BDP1: variants seen among roughly 807,000 people sequenced by gnomAD.
The protein encoded by BDP1 is transcription factor TFIIIB component B'' homolog.
A neutral mutation model predicts 266.6 loss-of-function variants in BDP1; 169 were observed. The observed-to-expected ratio is 0.63, with a 90% CI of 0.56 to 0.72. The LOEUF (loss-of-function observed/expected upper bound fraction) is 0.72, where lower values mean the gene tolerates loss of function less well. Among genes scored for constraint, BDP1 ranks in the 30% least tolerant of loss-of-function variants. BDP1 has a pLI of 0.00. For missense variants in BDP1, 3,015 were observed against 3,053.8 expected, an observed-to-expected ratio of 0.99 and a Z score of 0.30; for synonymous variants, 1,090 against 1,022.4, an observed-to-expected ratio of 1.07 and a Z score of -1.26.
chr5:71,550,133 C>T (rs1742642025), intron 34 of BDP1, among the ~76,000 whole-genome samples: 1 of 152,190 alleles, frequency 6.6e-6, no homozygotes, highest in Non-Finnish European at 1.5e-5. Context: ...CGCCTTTAAT[C>T]CCAGGGCTTT....
At chr5:71,551,973 C>A (rs1439346008) in intron 34 of BDP1, among the ~76,000 whole-genome samples, 1 of 150,036 alleles carries the variant, frequency 6.7e-6, no homozygotes, top group African/African-American at 2.4e-5. Flanking sequence ...ACCTCCCTCC[C>A]GGACGGGGCG....
intron 15 of BDP1, among the ~76,000 whole-genome samples, chr5:71,504,281 A>T (rs945120204): frequency 6.6e-6 from 1 of 151,730 alleles, no homozygotes; most frequent in African/African-American, 2.4e-5. Context: ...TCAAAAAAAA[A>T]AAAAAAGAAA....
intron 13 of BDP1, among the ~76,000 whole-genome samples, chr5:71,500,484 C>T (rs1473139559): frequency 6.6e-6 from 1 of 151,734 alleles, no homozygotes; most frequent in Non-Finnish European, 1.5e-5. Flanking sequence ...CGCCACCATG[C>T]CCGGCTAATT....
chr5:71,521,127 C>T (rs916615882), intron 22 of BDP1, among the ~76,000 whole-genome samples: 10 of 146,998 alleles, frequency 6.8e-5, no homozygotes, highest in African/African-American at 2.5e-4. Flanking sequence ...GCGGAGGTTA[C>T]AGTGAGCCGA....
chr5:71,550,362 G>T (rs1300342086), intron 34 of BDP1, among the ~76,000 whole-genome samples: 2 of 152,054 alleles, frequency 1.3e-5, no homozygotes, highest in African/African-American at 4.8e-5. Context: ...CTCTAGCCTG[G>T]GTGATAGAGT....
intron 38 of BDP1, among the ~76,000 whole-genome samples, chr5:71,564,059 T>G (rs1743865321): frequency 6.6e-6 from 1 of 152,216 alleles, no homozygotes; most frequent in Non-Finnish European, 1.5e-5. Context: ...GGTATTGGTC[T>G]GACTTTTTTC....
chr5:71,557,508 C>T (rs1743311230), intron 36 of BDP1, among the ~76,000 whole-genome samples: 1 of 151,746 alleles, frequency 6.6e-6, no homozygotes, highest in South Asian at 2.1e-4. Context: ...CCTCAGCCTC[C>T]CTAGTAGCTG....
Position 71,490,981 on chromosome 5 carries a change from T to C in BDP1, c.1493-3T>C, listed in dbSNP as rs747019297. 3 of 1,589,898 alleles carry C rather than the reference T, an allele frequency of 1.9e-6. No individual in the cohort carries two copies. The highest frequency in any genetic ancestry group is 2.3e-5 in the South Asian group (2 of 85,996). ...TAGAATAACATGCATTTTGTATTTG[T>C]AGATAAATGTCAGGCTATAAGGCCT... On this transcript the variant is annotated splice_polypyrimidine_tract_variant and splice_region_variant and intron_variant, in intron 10 of 38. Transcript: ENST00000358731.
Position 71,470,495 on chromosome 5 carries a change from G to A in BDP1, c.1014+6G>A. 1 of 1,573,758 alleles carries A rather than the reference G, an allele frequency of 6.4e-7. No individual in the cohort carries two copies. Among genetic ancestry groups the A allele is most frequent in the Non-Finnish European group, 8.7e-7 (1 of 1,147,380 alleles). On this transcript the variant is annotated splice_donor_region_variant and intron_variant, in intron 7 of 38. Coordinates refer to ENST00000358731, the MANE Select transcript of BDP1 (RefSeq NM_018429.3). The stretch of plus-strand genomic sequence containing the variant: ...GAGCAAGGATAGAAATTAAGGTAAA[G>A]TAAACCCATCACATTTGTTGATTGG...
intron 26 of BDP1, among the ~76,000 whole-genome samples, chr5:71,533,597 C>G (rs777412674): frequency 6.6e-6 from 1 of 151,778 alleles, no homozygotes; most frequent in Non-Finnish European, 1.5e-5. Context: ...TCCCAAGTAG[C>G]TGGGACTGCA....
Position 71,512,057 on chromosome 5 carries a change from T to G in BDP1, c.4060-184T>G, listed in dbSNP as rs188845750. Among the ~76,000 whole-genome samples the G allele has an allele frequency of 4.6e-3, 702 of 152,200 alleles. 19 individuals are homozygous for G. Among genetic ancestry groups the G allele is most frequent in the Non-Finnish European group, 2.7e-3 (183 of 68,004 alleles). On this transcript the variant is annotated intron_variant, in intron 17 of 38. Coordinates refer to ENST00000358731, the MANE Select transcript of BDP1 (RefSeq NM_018429.3). ...TTTGTGGTTTGGGAAAGTAATAATA[T>G]GCAACATAAAAGGGTTTCCTGAATT...
downstream of BDP1, among the ~76,000 whole-genome samples, chr5:71,571,966 G>C (rs574406504): frequency 1.4e-4 from 21 of 152,166 alleles, no homozygotes; most frequent in East Asian, 1.2e-3. Context: ...CATGATCAAA[G>C]AGCAAACTGT....
Position 71,470,492 on chromosome 5 carries a change from A to G in BDP1, c.1014+3A>G, listed in dbSNP as rs945461484. 6.3e-7 allele frequency: 1 copy of G among 1,582,760 alleles called. No homozygotes were observed. The highest frequency in any genetic ancestry group is 8.7e-7 in the Non-Finnish European group (1 of 1,154,644). ...ACAGAGCAAGGATAGAAATTAAGGT[A>G]AAGTAAACCCATCACATTTGTTGAT... On this transcript the variant is annotated splice_donor_region_variant and intron_variant, in intron 7 of 38. Transcript: ENST00000358731.
intron 12 of BDP1, 134 bp from the exon 13 acceptor site, chr5:71,497,132 CTCTT>C: frequency 1.6e-6 from 1 of 644,076 alleles, no homozygotes. Context: ...ACAAGTTAGT[CTCTT>C]TAAGTTTTCT....
chr5:71,543,775 T>C (rs1419339899), intron 30 of BDP1, among the ~76,000 whole-genome samples: 2 of 152,238 alleles, frequency 1.3e-5, no homozygotes, highest in African/African-American at 2.4e-5. Flanking sequence ...TACAATGTTA[T>C]GACTCTCTCT....
At chr5:71,479,776 G>C (rs929487420) in intron 7 of BDP1, among the ~76,000 whole-genome samples, 3 of 152,038 alleles carry the variant, frequency 2.0e-5, no homozygotes, top group Non-Finnish European at 4.4e-5. Flanking sequence ...TCGATCTCCT[G>C]ACCTCGTGAT....
intron 26 of BDP1, among the ~76,000 whole-genome samples, chr5:71,535,495 G>T (rs954020574): frequency 1.3e-5 from 2 of 152,128 alleles, no homozygotes; most frequent in Admixed American, 6.5e-5. Context: ...GTGAGCCACC[G>T]TGCCCGGCCT....
the BDP1 span, among the ~76,000 whole-genome samples, chr5:71,575,173 T>C: frequency 6.6e-6 from 1 of 152,200 alleles, no homozygotes; most frequent in Non-Finnish European, 1.5e-5. Context: ...TAACCCAGGA[T>C]TTAAAATGTT....
At chr5:71,504,072 A>G (rs1290306423) in intron 15 of BDP1, among the ~76,000 whole-genome samples, 3 of 150,788 alleles carry the variant, frequency 2.0e-5, no homozygotes, top group South Asian at 2.1e-4. Flanking sequence ...GGAGATTGAG[A>G]CCATCCTGGC....
Sources: gnomAD v4.1 joint callset for allele counts (sites outside exome capture counted in the v4.1 genomes callset) on GRCh38, gnomAD v4.1.1 for gene constraint, MANE v1.5 for transcripts, NCBI Gene and HGNC (gene_info 2026-07-23, HGNC 2026-07-21) for gene names.